ZNF804B: variants seen among roughly 807,000 people sequenced by gnomAD.
The protein encoded by ZNF804B is zinc finger protein 804B.
In ZNF804B, 80 loss-of-function variants were observed where a neutral mutation model predicts 101.4. The ratio of observed to expected loss-of-function variants is 0.79; its 90% CI spans 0.66 to 0.95. ZNF804B has a LOEUF of 0.95. Ranked by LOEUF, ZNF804B falls within the 40% of genes least tolerant of loss-of-function variation. The pLI is 0.00. For synonymous variants in ZNF804B, 622 were observed against 558.8 expected (o/e 1.11, Z -1.59); for missense variants, 1,673 against 1,561.9 (o/e 1.07, Z -1.20).
chr7:89,016,830 G>A (rs1356199500), intron 1 of ZNF804B, among the ~76,000 whole-genome samples: 1 of 152,064 alleles, frequency 6.6e-6, no homozygotes. Flanking sequence ...GCTCCTTTTT[G>A]GTTCCGTATG....
intron 1 of ZNF804B, among the ~76,000 whole-genome samples, chr7:89,042,196 G>A (rs1789026068): frequency 6.6e-6 from 1 of 152,214 alleles, no homozygotes; most frequent in Middle Eastern, 3.4e-3. Context: ...TGTGCACTTC[G>A]AACAAGTTAT....
intron 2 of ZNF804B, among the ~76,000 whole-genome samples, chr7:89,319,001 T>A (rs929974506): frequency 1.3e-5 from 2 of 152,206 alleles, no homozygotes; most frequent in Non-Finnish European, 2.9e-5. Flanking sequence ...ATGGGCCGAC[T>A]TAATTGAAGC....
At chr7:89,259,176 C>A (rs560399831) in intron 2 of ZNF804B, among the ~76,000 whole-genome samples, 2 of 152,184 alleles carry the variant, frequency 1.3e-5, no homozygotes, top group African/African-American at 4.8e-5. Flanking sequence ...TCTTCCTCAT[C>A]ATCTAGCTGT....
At position 88,945,141 on chromosome 7, in the gene ZNF804B, T is replaced by C. The variant is rs184727941; in HGVS notation, c.108+185057T>C. On this transcript the variant is annotated intron_variant, in intron 1 of 3. Transcript: ENST00000333190. ...GACTTCTGTTGCCATTGCTTTGGTG[T>C]TTTAGTCATGAAGTCTTTGCACATG... Among the ~76,000 whole-genome samples the C allele has an allele frequency of 5.9e-5, 9 of 152,224 alleles. No individual in the cohort carries two copies. The East Asian group carries it at 1.6e-3, about 26-fold the overall frequency.
At chr7:89,241,542 C>T (rs968863316) in intron 2 of ZNF804B, among the ~76,000 whole-genome samples, 5 of 152,088 alleles carry the variant, frequency 3.3e-5, no homozygotes, top group Non-Finnish European at 4.4e-5. Context: ...TGTGCAGAAC[C>T]TGATTCATAA....
chr7:88,927,090 T>C (rs1440575537), intron 1 of ZNF804B, among the ~76,000 whole-genome samples: 12 of 152,178 alleles, frequency 7.9e-5, no homozygotes, highest in Admixed American at 7.2e-4. Context: ...TATTCCCAAG[T>C]GTGCCTTGAT....
At chr7:88,768,648 G>A (rs967922664) in intron 1 of ZNF804B, among the ~76,000 whole-genome samples, 19 of 152,314 alleles carry the variant, frequency 1.2e-4, no homozygotes, top group African/African-American at 3.8e-4. Flanking sequence ...AAACTGGGAG[G>A]CAGAAGTTGC....
chr7:88,856,057 C>T (rs1791551715), intron 1 of ZNF804B, among the ~76,000 whole-genome samples: 2 of 152,258 alleles, frequency 1.3e-5, no homozygotes, highest in South Asian at 4.1e-4. Context: ...CAGCTTTGTT[C>T]TTTTGGCTTA....
At chr7:88,799,650 G>A (rs961148134) in intron 1 of ZNF804B, among the ~76,000 whole-genome samples, 2 of 151,996 alleles carry the variant, frequency 1.3e-5, no homozygotes, top group African/African-American at 4.8e-5. Context: ...TGACGCCTTT[G>A]GTGTGCCAGG....
chr7:88,850,587 G>T (rs1294235678), intron 1 of ZNF804B, among the ~76,000 whole-genome samples: 1 of 152,084 alleles, frequency 6.6e-6, no homozygotes, highest in African/African-American at 2.4e-5. Flanking sequence ...CTTTGCCCCA[G>T]TGGGGCAAAA....
intron 1 of ZNF804B, among the ~76,000 whole-genome samples, chr7:88,876,300 A>G (rs1017191672): frequency 7.2e-5 from 11 of 152,156 alleles, no homozygotes; most frequent in African/African-American, 2.7e-4. Context: ...ATCACATTAG[A>G]TCTAACTTGC....
chr7:89,135,113 C>A (rs561479871), intron 1 of ZNF804B, among the ~76,000 whole-genome samples: 1 of 152,032 alleles, frequency 6.6e-6, no homozygotes, highest in Non-Finnish European at 1.5e-5. Context: ...TGTTTCAAAG[C>A]GAATCAAGAC....
At chr7:89,094,816 A>T (rs1411299187) in intron 1 of ZNF804B, among the ~76,000 whole-genome samples, 1 of 152,198 alleles carries the variant, frequency 6.6e-6, no homozygotes, top group Non-Finnish European at 1.5e-5. Flanking sequence ...TAAAAAGAAT[A>T]GTTGCCTTAC....
chr7:89,291,888 G>A (rs1354538266), intron 2 of ZNF804B, among the ~76,000 whole-genome samples: 2 of 152,048 alleles, frequency 1.3e-5, no homozygotes, highest in Non-Finnish European at 2.9e-5. Flanking sequence ...AGCAGCAAGA[G>A]AAAAGAAACA....
chr7:89,250,196 A>T (rs1231783491), intron 2 of ZNF804B, among the ~76,000 whole-genome samples: 1 of 152,012 alleles, frequency 6.6e-6, no homozygotes, highest in Non-Finnish European at 1.5e-5. Flanking sequence ...CATTAAAAAA[A>T]AATATAGGTA....
At chr7:88,961,920 G>A (rs1290579698) in intron 1 of ZNF804B, among the ~76,000 whole-genome samples, 4 of 151,218 alleles carry the variant, frequency 2.6e-5, no homozygotes, top group African/African-American at 9.7e-5. Context: ...GTCACTTAAC[G>A]AATACCAAAC....
intron 2 of ZNF804B, among the ~76,000 whole-genome samples, chr7:89,224,784 C>T (rs1313593716): frequency 1.3e-5 from 2 of 150,684 alleles, no homozygotes; most frequent in Admixed American, 1.3e-4. Context: ...CCTGGAATCA[C>T]CCAGCAGTAG....
chr7:88,870,804 A>G (rs1791811088), intron 1 of ZNF804B, among the ~76,000 whole-genome samples: 1 of 152,182 alleles, frequency 6.6e-6, no homozygotes, highest in South Asian at 2.1e-4. Flanking sequence ...GCCTAGATAA[A>G]CAAAATATTC....
Position 89,335,451 on chromosome 7 carries a change from G to A in ZNF804B, c.2469G>A (p.Thr823=), listed in dbSNP as rs148990105. The A allele has an allele frequency of 1.8e-4, 291 of 1,613,892 alleles. No homozygotes were observed. Among genetic ancestry groups the A allele is most frequent in the African/African-American group, 1.6e-3 (122 of 75,000 alleles). ...AACAATTTTCAGGGCTAAAATCTAC[G>A]AGAATCATCTATTGTGATTCTAACT... ...NQQQFSGLKS[T]RIIYCDSNSQ... is the part of the protein sequence containing the mutation. Residue 823 remains threonine (T), a synonymous_variant, in exon 4 of 4, where the codon ACG becomes ACA. Coordinates refer to ENST00000333190, the MANE Select transcript of ZNF804B (RefSeq NM_181646.5).
Sources: gnomAD v4.1 joint callset for allele counts (sites outside exome capture counted in the v4.1 genomes callset) on GRCh38, gnomAD v4.1.1 for gene constraint, MANE v1.5 for transcripts, NCBI Gene and HGNC (gene_info 2026-07-23, HGNC 2026-07-21) for gene names.